Variants in ANKRD44 observed in about 807,000 individuals in gnomAD.
ANKRD44 encodes serine/threonine-protein phosphatase 6 regulatory ankyrin repeat subunit B.
In ANKRD44, 35 loss-of-function variants were observed where a neutral mutation model predicts 116.0. The observed-to-expected ratio is 0.30, with a 90% CI of 0.23 to 0.40. The LOEUF is 0.40. Among genes scored for constraint, ANKRD44 ranks in the 10% least tolerant of loss-of-function variants. The pLI is 1.00. For synonymous variants in ANKRD44, 435 were observed against 461.8 expected (o/e 0.94, Z 0.74); for missense variants, 1,014 against 1,242.6 (o/e 0.82, Z 2.77).
At chr2:197,099,389 C>T (rs1384292157) in intron 10 of ANKRD44, 1 of 414,222 alleles carries the variant, frequency 2.4e-6, no homozygotes, top group Non-Finnish European at 3.3e-6. Context: ...AAAATGAAGT[C>T]AGGTTCCCCC....
At chr2:197,214,689 T>A (rs1390146543) in intron 1 of ANKRD44, among the ~76,000 whole-genome samples, 1 of 152,140 alleles carries the variant, frequency 6.6e-6, no homozygotes, top group Non-Finnish European at 1.5e-5. Flanking sequence ...AAAACACACA[T>A]TTACATGAAA....
intron 2 of ANKRD44, among the ~76,000 whole-genome samples, chr2:197,180,450 G>A (rs1293028067): frequency 1.3e-5 from 2 of 152,170 alleles, no homozygotes; most frequent in Non-Finnish European, 2.9e-5. Context: ...TGATCACTGT[G>A]CACTTCTATC....
At chr2:197,077,997 T>C (rs190931821) in intron 16 of ANKRD44, 2 of 152,062 alleles carry the variant, frequency 1.3e-5, no homozygotes, top group East Asian at 3.9e-4. Context: ...CCTGAAAAAA[T>C]GAAGATATTG....
At chr2:197,093,857 A>G (rs1247376296) in intron 10 of ANKRD44, among the ~76,000 whole-genome samples, 2 of 152,216 alleles carry the variant, frequency 1.3e-5, no homozygotes, top group Non-Finnish European at 2.9e-5. Context: ...GAAGATCAAT[A>G]ATGAAGGTGC....
intron 1 of ANKRD44, among the ~76,000 whole-genome samples, chr2:197,291,938 C>G (rs917350259): frequency 1.3e-5 from 2 of 151,942 alleles, no homozygotes; most frequent in African/African-American, 4.8e-5. Context: ...CTCTTCTGTC[C>G]CTGTGATAGT....
chr2:196,993,752 T>C (rs2075962467), intron 26 of ANKRD44, 78 bp from the exon 27 acceptor site: 10 of 1,194,748 alleles, frequency 8.4e-6, no homozygotes, highest in Non-Finnish European at 1.2e-5. Flanking sequence ...CCCATGTCAC[T>C]AAAAGGAAGA....
chr2:197,034,492 G>A (rs1259603883), intron 16 of ANKRD44, among the ~76,000 whole-genome samples: 1 of 146,268 alleles, frequency 6.8e-6, no homozygotes, highest in Non-Finnish European at 1.5e-5. Flanking sequence ...GACTTCTATT[G>A]GCACAATAAA....
intron 16 of ANKRD44, among the ~76,000 whole-genome samples, chr2:197,061,383 T>G (rs2077308885): frequency 6.6e-6 from 1 of 152,192 alleles, no homozygotes; most frequent in South Asian, 2.1e-4. Flanking sequence ...GCAGTGACAC[T>G]GGCAGCCCCT....
chr2:197,288,144 T>C (rs1197314000), intron 1 of ANKRD44, among the ~76,000 whole-genome samples: 4 of 152,128 alleles, frequency 2.6e-5, no homozygotes, highest in Non-Finnish European at 4.4e-5. Flanking sequence ...TCTTTAGATA[T>C]GAGAAATTAG....
In ANKRD44 at chr2:197,147,092, C is replaced by T. The variant is rs140879724; in HGVS notation, c.125G>A (p.Arg42Gln). Residue 42 changes from arginine (R) to glutamine (Q), a missense_variant, in exon 3 of 28, where the codon CGA (arginine) becomes CAA (glutamine). Transcript: ENST00000282272. ...AAATGCGGCCACATGAAGAGGGGTT[C>T]GTTTCTCAGAATCCTGAAATACACA... Reference protein sequence around the residue: ...EDVNTLDSEKRTPLHVAAFLG... With the variant: ...EDVNTLDSEKQTPLHVAAFLG... 5.0e-6 allele frequency: 8 copies of T among 1,613,554 alleles called. No individual in the cohort carries two copies. Among genetic ancestry groups the T allele is most frequent in the South Asian group, 1.1e-5 (1 of 91,060 alleles).
intron 22 of ANKRD44, among the ~76,000 whole-genome samples, 167 bp downstream of exon 22, chr2:197,001,586 G>GA (rs2076115885): frequency 6.6e-6 from 1 of 152,162 alleles, no homozygotes; most frequent in Admixed American, 6.5e-5. Flanking sequence ...AAATCTCCGG[G>GA]AAAATCATTA....
chr2:197,120,336 C>T (rs1312734670), intron 8 of ANKRD44, among the ~76,000 whole-genome samples: 1 of 152,132 alleles, frequency 6.6e-6, no homozygotes, highest in Non-Finnish European at 1.5e-5. Context: ...ATCACTGAAG[C>T]CACTATCTGG....
intron 13 of ANKRD44, among the ~76,000 whole-genome samples, chr2:197,084,088 A>G (rs1021194292): frequency 6.6e-6 from 1 of 152,188 alleles, no homozygotes; most frequent in Non-Finnish European, 1.5e-5. Context: ...TATAACAATC[A>G]TGTTCTAAAA....
At chr2:197,223,976 G>A (rs547301558) in intron 1 of ANKRD44, among the ~76,000 whole-genome samples, 1 of 152,000 alleles carries the variant, frequency 6.6e-6, no homozygotes, top group South Asian at 2.1e-4. Flanking sequence ...CCGAAAAGTA[G>A]TAGATACATG....
intron 1 of ANKRD44, among the ~76,000 whole-genome samples, chr2:197,277,783 A>G (rs918330417): frequency 6.6e-6 from 1 of 152,160 alleles, no homozygotes; most frequent in Non-Finnish European, 1.5e-5. Flanking sequence ...TCTTGCTATT[A>G]GCGCTGTCAC....
At chr2:197,304,807 G>A (rs1281782814) in intron 1 of ANKRD44, among the ~76,000 whole-genome samples, 1 of 152,198 alleles carries the variant, frequency 6.6e-6, no homozygotes, top group Admixed American at 6.5e-5. Context: ...CATTACACCT[G>A]CAAGTCCTGG....
chr2:197,076,380 A>C, intron 16 of ANKRD44, among the ~76,000 whole-genome samples: 1 of 152,162 alleles, frequency 6.6e-6, no homozygotes, highest in East Asian at 1.9e-4. Flanking sequence ...AACATCTAAT[A>C]CCCAAGGAAA....
At chr2:197,068,869 C>T (rs1487032882) in intron 16 of ANKRD44, among the ~76,000 whole-genome samples, 2 of 152,170 alleles carry the variant, frequency 1.3e-5, no homozygotes, top group African/African-American at 4.8e-5. Flanking sequence ...ACTAGTTCAA[C>T]CATTGTGGAA....
chr2:197,162,919 C>G (rs531653077), intron 2 of ANKRD44, among the ~76,000 whole-genome samples: 9 of 152,322 alleles, frequency 5.9e-5, no homozygotes, highest in African/African-American at 1.9e-4. Flanking sequence ...AAAGCCTATG[C>G]CACAATAAGA....
Sources: gnomAD v4.1 joint callset for allele counts (sites outside exome capture counted in the v4.1 genomes callset) on GRCh38, gnomAD v4.1.1 for gene constraint, MANE v1.5 for transcripts, NCBI Gene and HGNC (gene_info 2026-07-23, HGNC 2026-07-21) for gene names.